HS6ST2: variants seen among roughly 807,000 people sequenced by gnomAD.
The protein encoded by HS6ST2 is heparan sulfate 6-O-sulfotransferase 2.
Under a neutral mutation model 33.0 loss-of-function variants are expected in HS6ST2, and 17 were observed. The ratio of observed to expected loss-of-function variants is 0.52; its 90% CI spans 0.35 to 0.77. HS6ST2 has a LOEUF of 0.77. HS6ST2 is among the 30% of genes least tolerant of loss of function. HS6ST2 has a pLI of 0.01. For synonymous variants in HS6ST2, 248 were observed against 237.1 expected (o/e 1.05, Z -0.42); for missense variants, 519 against 551.7 (o/e 0.94, Z 0.59).
chrX:132,691,621 T>C (rs778523917), intron 3 of HS6ST2, among the ~76,000 whole-genome samples: 27 of 112,254 alleles, frequency 2.4e-4, no homozygotes, highest in Non-Finnish European at 5.6e-5. Context: ...TTTACAGAAA[T>C]GTCTCTATGG....
Position 132,628,006 on chromosome X carries a change from A to G in HS6ST2, c.*217T>C, listed in dbSNP as rs528342235. The G allele has an allele frequency of 1.3e-5, 4 of 297,427 alleles. No homozygotes were observed. The highest frequency in any genetic ancestry group is 8.1e-5 in the African/African-American group (3 of 37,173). The allele number at this position is 297,427 out of a possible 1,213,427, so 24.5% of individuals were successfully genotyped here. On this transcript the variant is annotated 3_prime_UTR_variant, in exon 5 of 5. Transcript: ENST00000370833. ...GCTTTCGGATTTCATATTTAGTCCAACCCCAAAAAGACAATTTAATTCCAT... is the reference window on the plus strand; with the variant it reads ...GCTTTCGGATTTCATATTTAGTCCAGCCCCAAAAAGACAATTTAATTCCAT...
chrX:132,860,918 G>A (rs1412294305), intron 2 of HS6ST2, among the ~76,000 whole-genome samples: 2 of 106,337 alleles, frequency 1.9e-5, no homozygotes, highest in Admixed American at 2.1e-4. Context: ...CTCGCAAGTA[G>A]CTGGGATTAC....
intron 2 of HS6ST2, among the ~76,000 whole-genome samples, chrX:132,843,733 A>G (rs1010499232): frequency 1.8e-5 from 2 of 111,770 alleles, no homozygotes; most frequent in Non-Finnish European, 3.8e-5. Flanking sequence ...GCGATCTTCA[A>G]TTCTAGCTGC....
chrX:132,883,867 C>T (rs908557473), intron 2 of HS6ST2, among the ~76,000 whole-genome samples: 1 of 111,984 alleles, frequency 8.9e-6, no homozygotes, highest in East Asian at 2.8e-4. Context: ...GACAAACCAG[C>T]TGGTCCAGAC....
At chrX:132,956,638 C>G (rs1470008031) in intron 2 of HS6ST2, among the ~76,000 whole-genome samples, 170 bp downstream of exon 2, 2 of 112,938 alleles carry the variant, frequency 1.8e-5, no homozygotes, top group Non-Finnish European at 3.8e-5. Flanking sequence ...CTTTCTGTGG[C>G]CGCCACAGCG....
At chrX:132,919,245 A>T (rs1368156422) in intron 2 of HS6ST2, among the ~76,000 whole-genome samples, 1 of 112,290 alleles carries the variant, frequency 8.9e-6, no homozygotes, top group Non-Finnish European at 1.9e-5. Context: ...ACTTAATCCC[A>T]TAGGCACAAC....
chrX:132,696,309 C>G (rs1056423116), intron 3 of HS6ST2, among the ~76,000 whole-genome samples: 4 of 111,694 alleles, frequency 3.6e-5, no homozygotes, highest in African/African-American at 1.3e-4. Context: ...ACCTGCCTGC[C>G]TTTTCATTTA....
intron 2 of HS6ST2, among the ~76,000 whole-genome samples, chrX:132,764,417 G>A (rs1038291135): frequency 1.8e-5 from 2 of 112,111 alleles, no homozygotes; most frequent in African/African-American, 3.2e-5. Flanking sequence ...TGGGTGGTCT[G>A]TACTTCTTAT....
chrX:132,950,931 C>T lies in HS6ST2; in HGVS notation c.947+5877G>A, dbSNP rs568735319. 1.1e-4 allele frequency among the ~76,000 whole-genome samples: 12 copies of T among 111,279 alleles called. No homozygotes were observed. In the South Asian group the frequency reaches 4.2e-3, roughly 39 times the overall value. ...ATTGCAGCTATCACTTAAATAACAA[C>T]GCCAATTGTGAATTCAGATTAACTG... On this transcript the variant is annotated intron_variant, in intron 2 of 4. Coordinates refer to ENST00000370833, the MANE Select transcript of HS6ST2 (RefSeq NM_001394073.1).
chrX:132,724,132 A>C (rs1480013429), intron 2 of HS6ST2, among the ~76,000 whole-genome samples: 1 of 93,711 alleles, frequency 1.1e-5, no homozygotes, highest in Non-Finnish European at 2.1e-5. Flanking sequence ...GCAAGACTCC[A>C]TTTCAAAAAG....
At chrX:132,662,205 A>G (rs1362309874) in intron 4 of HS6ST2, among the ~76,000 whole-genome samples, 1 of 110,201 alleles carries the variant, frequency 9.1e-6, no homozygotes, top group Admixed American at 9.7e-5. Flanking sequence ...AGCCAGAAAA[A>G]TGGGGTGGAA....
chrX:132,953,328 C>T (rs910449148), intron 2 of HS6ST2, among the ~76,000 whole-genome samples: 1 of 110,768 alleles, frequency 9.0e-6, no homozygotes, highest in Non-Finnish European at 1.9e-5. Flanking sequence ...AAATATTATT[C>T]TTAATAAACA....
chrX:132,655,000 C>A (rs1029553910), intron 4 of HS6ST2, among the ~76,000 whole-genome samples: 8 of 112,075 alleles, frequency 7.1e-5, no homozygotes, highest in African/African-American at 2.6e-4. Flanking sequence ...AAGCACATAG[C>A]TTTGTTCCTT....
At chrX:132,677,884 G>T (rs1274256447) in intron 3 of HS6ST2, among the ~76,000 whole-genome samples, 2 of 111,926 alleles carry the variant, frequency 1.8e-5, no homozygotes, top group Non-Finnish European at 3.8e-5. Context: ...AACAAGTTGG[G>T]TCATTGAGGC....
chrX:132,818,597 T>G (rs200130058), intron 2 of HS6ST2, among the ~76,000 whole-genome samples: 2 of 111,939 alleles, frequency 1.8e-5, no homozygotes, highest in East Asian at 5.6e-4. Flanking sequence ...CACCTACAAC[T>G]AAAATCTGTA....
At chrX:132,787,503 A>G (rs1176094954) in intron 2 of HS6ST2, among the ~76,000 whole-genome samples, 3 of 97,900 alleles carry the variant, frequency 3.1e-5, no homozygotes, top group African/African-American at 7.8e-5. Context: ...CATTTTGGCC[A>G]GGCTGGTCTC....
At chrX:132,699,455 A>G (rs1251031578) in intron 3 of HS6ST2, among the ~76,000 whole-genome samples, 1 of 112,156 alleles carries the variant, frequency 8.9e-6, no homozygotes, top group Non-Finnish European at 1.9e-5. Context: ...ATGTGATTTC[A>G]TGATCACTGA....
At chrX:132,903,918 A>C (rs1412982517) in intron 2 of HS6ST2, among the ~76,000 whole-genome samples, 1 of 112,203 alleles carries the variant, frequency 8.9e-6, no homozygotes, top group Non-Finnish European at 1.9e-5. Flanking sequence ...TAGTCATAGC[A>C]TACATACAAT....
At chrX:132,713,008 G>A (rs1353931112) in intron 2 of HS6ST2, among the ~76,000 whole-genome samples, 1 of 111,146 alleles carries the variant, frequency 9.0e-6, no homozygotes, top group Non-Finnish European at 1.9e-5. Flanking sequence ...CTAGGTGACA[G>A]GGTGAGACTC....
Sources: allele counts gnomAD v4.1 joint callset (sites outside exome capture counted in the v4.1 genomes callset), GRCh38; gene constraint gnomAD v4.1.1; transcripts MANE v1.5; gene names NCBI Gene and HGNC (gene_info 2026-07-23, HGNC 2026-07-21).